The following MICU3 variants were observed in gnomAD, a reference collection of about 807,000 sequenced individuals.
The protein encoded by MICU3 is mitochondrial calcium uptake 3, also known as calcium uptake protein 3, mitochondrial.
In MICU3, 62 loss-of-function variants were observed where a neutral mutation model predicts 66.5. The ratio of observed to expected loss-of-function variants is 0.93; its 90% confidence interval spans 0.76 to 1.15. The LOEUF (loss-of-function observed/expected upper bound fraction) is 1.15. Among genes scored for constraint, MICU3 ranks in the 50% most tolerant of loss-of-function variants. The pLI, the probability that MICU3 is intolerant of heterozygous loss-of-function variation, is 0.00. For missense variants in MICU3, 779 were observed against 664.4 expected (o/e 1.17, Z -1.90); for synonymous variants, 308 against 240.7 (o/e 1.28, Z -2.59).
At chr8:17,048,375 G>A (rs1314470556) in intron 1 of MICU3, among the ~76,000 whole-genome samples, 3 of 152,134 alleles carry the variant, frequency 2.0e-5, no homozygotes, top group African/African-American at 7.2e-5. Flanking sequence ...AGGCAAAGGA[G>A]TAGCAAAATC....
intron 4 of MICU3, among the ~76,000 whole-genome samples, chr8:17,078,633 A>T (rs1001576202): frequency 2.6e-5 from 4 of 152,082 alleles, no homozygotes; most frequent in Non-Finnish European, 4.4e-5. Context: ...CCTTTTCATC[A>T]ATTTTAACCA....
the MICU3 span, chr8:17,131,565 A>C: frequency 2.0e-5 from 3 of 152,308 alleles, no homozygotes; most frequent in Non-Finnish European, 4.4e-5. Flanking sequence ...GACTGAAAAG[A>C]TGTGGGGAGC....
At chr8:17,104,971 G>T (rs1801612335) in intron 10 of MICU3, among the ~76,000 whole-genome samples, 1 of 32,494 alleles carries the variant, frequency 3.1e-5, no homozygotes, top group Non-Finnish European at 4.7e-5. Flanking sequence ...CTCCAGCCTG[G>T]GCGACAGAGC....
chr8:17,129,106 T>C, the MICU3 span, among the ~76,000 whole-genome samples: 2 of 152,188 alleles, frequency 1.3e-5, no homozygotes, highest in African/African-American at 4.8e-5. Flanking sequence ...TAAAGACAAC[T>C]CTTGACCTAT....
chr8:17,049,994 A>G (rs1445325133), intron 1 of MICU3, among the ~76,000 whole-genome samples: 1 of 151,986 alleles, frequency 6.6e-6, no homozygotes, highest in Non-Finnish European at 1.5e-5. Context: ...ACCCCTTTCC[A>G]TAGTCACAAA....
intron 3 of MICU3, among the ~76,000 whole-genome samples, chr8:17,074,107 C>G (rs999956721): frequency 3.3e-5 from 5 of 150,774 alleles, no homozygotes; most frequent in Non-Finnish European, 5.9e-5. Context: ...ACCGTGGTCT[C>G]CATCTCCTGA....
At position 17,064,244 on chromosome 8, in the gene MICU3, A is replaced by T; in HGVS notation, c.535+7A>T. ...ACAACAGATGAGCCCAAAGGTAAGT[A>T]CACTTTTGAAATTATCTTAATAATT... On this transcript the variant is annotated splice_region_variant and intron_variant, in intron 2 of 14. Transcript: ENST00000318063. The T allele has an allele frequency of 2.5e-6, 4 of 1,599,802 alleles. No individual in the cohort carries two copies. The South Asian group carries it at 4.6e-5, about 18-fold the overall frequency.
chr8:17,098,672 G>T, intron 9 of MICU3, 119 bp downstream of exon 9: 1 of 686,108 alleles, frequency 1.5e-6, no homozygotes, highest in Non-Finnish European at 2.6e-6. Context: ...CATTGTTTTA[G>T]TACAGCAAAA....
chr8:17,087,600 A>C (rs1799607207), intron 7 of MICU3, among the ~76,000 whole-genome samples: 1 of 152,080 alleles, frequency 6.6e-6, no homozygotes, highest in Non-Finnish European at 1.5e-5. Context: ...CCAGGTTCAC[A>C]TAATAAAAAT....
intron 3 of MICU3, among the ~76,000 whole-genome samples, chr8:17,077,001 A>T (rs1217090836): frequency 1.3e-5 from 2 of 152,250 alleles, no homozygotes; most frequent in African/African-American, 4.8e-5. Flanking sequence ...TAATCAAATT[A>T]TAGTTTTCAC....
At chr8:17,120,151 T>G (rs887598097) in intron 14 of MICU3, 137 bp from the exon 15 acceptor site, 1 of 152,214 alleles carries the variant, frequency 6.6e-6, no homozygotes, top group African/African-American at 2.4e-5. Context: ...TTTTAAGTCT[T>G]TGTGTCTTAT....
intron 1 of MICU3, among the ~76,000 whole-genome samples, chr8:17,056,112 C>G (rs187570775): frequency 6.6e-6 from 1 of 152,302 alleles, no homozygotes; most frequent in African/African-American, 2.4e-5. Context: ...TAGCCCCAGT[C>G]TTCTATCCGA....
chr8:17,038,657 G>A (rs1813481542), intron 1 of MICU3, among the ~76,000 whole-genome samples: 2 of 152,046 alleles, frequency 1.3e-5, no homozygotes, highest in Non-Finnish European at 2.9e-5. Context: ...ACAAAAGGAA[G>A]AGTCCGTCGA....
intron 5 of MICU3, among the ~76,000 whole-genome samples, chr8:17,083,169 T>G (rs574777771): frequency 3.0e-4 from 46 of 152,222 alleles, no homozygotes; most frequent in African/African-American, 1.1e-3. Flanking sequence ...GAAGCTTTTC[T>G]CTTGAGCTGA....
chr8:17,107,809 T>G (rs1022773616), intron 11 of MICU3, among the ~76,000 whole-genome samples: 1 of 152,196 alleles, frequency 6.6e-6, no homozygotes, highest in Non-Finnish European at 1.5e-5. Context: ...TCAACAAGTA[T>G]TGACAATCAA....
chr8:17,041,424 A>T (rs1267529880), intron 1 of MICU3, among the ~76,000 whole-genome samples: 16 of 152,190 alleles, frequency 1.1e-4, no homozygotes, highest in Admixed American at 1.0e-3. Context: ...CAAGGAAGTC[A>T]TGGGTGATTT....
At chr8:17,040,272 C>T (rs561147988) in intron 1 of MICU3, among the ~76,000 whole-genome samples, 29 of 152,232 alleles carry the variant, frequency 1.9e-4, no homozygotes, top group South Asian at 1.2e-3. Flanking sequence ...TCATTACCCA[C>T]GCTATAACAT....
At chr8:17,035,952 T>C (rs1441259647) in intron 1 of MICU3, among the ~76,000 whole-genome samples, 3 of 152,064 alleles carry the variant, frequency 2.0e-5, no homozygotes, top group Non-Finnish European at 4.4e-5. Context: ...CCTGGAAGCC[T>C]AGGAGGAAAA....
At chr8:17,075,898 T>G (rs17586222) in intron 3 of MICU3, among the ~76,000 whole-genome samples, 1,888 of 152,136 alleles carry the variant, frequency 0.012, 28 homozygotes, top group Non-Finnish European at 0.017. Context: ...TGAGTTTAAG[T>G]TAGAACAGAT....
Sources: allele counts gnomAD v4.1 joint callset (sites outside exome capture counted in the v4.1 genomes callset), GRCh38; gene constraint gnomAD v4.1.1; transcripts MANE v1.5; gene names NCBI Gene and HGNC (gene_info 2026-07-23, HGNC 2026-07-21).